Variants in SLC48A1 observed in about 807,000 individuals in gnomAD.
The protein encoded by SLC48A1 is solute carrier family 48 member 1, also known as heme transporter HRG1.
Under a neutral mutation model 14.8 loss-of-function variants are expected in SLC48A1, and 6 were observed. The observed-to-expected ratio is 0.41, with a 90% confidence interval of 0.22 to 0.80. The LOEUF (loss-of-function observed/expected upper bound fraction) is 0.80, where lower values mean the gene tolerates loss of function less well. Ranked by LOEUF, SLC48A1 falls within the 30% of genes least tolerant of loss-of-function variation. The probability of loss-of-function intolerance (pLI) is 0.34; values close to 1 mark genes in which losing one functional copy is unlikely to be tolerated. For synonymous variants in SLC48A1, 89 were observed against 90.0 expected, an observed-to-expected ratio of 0.99 and a Z score of 0.06; for missense variants, 165 against 204.8, an observed-to-expected ratio of 0.81 and a Z score of 1.19.
At chr12:47,762,656 G>A (rs1213662831) in intron 2 of SLC48A1, among the ~76,000 whole-genome samples, 1 of 152,190 alleles carries the variant, frequency 6.6e-6, no homozygotes, top group East Asian at 1.9e-4. Flanking sequence ...CTATTTGCGA[G>A]TGAGGAAACT....
chr12:47,765,729 T>C (rs1942502594), intron 2 of SLC48A1, among the ~76,000 whole-genome samples: 1 of 152,236 alleles, frequency 6.6e-6, no homozygotes. Flanking sequence ...ATCAAAGCAT[T>C]GCATAAGTAT....
At chr12:47,762,878 A>G (rs1209193574) in intron 2 of SLC48A1, among the ~76,000 whole-genome samples, 3 of 152,242 alleles carry the variant, frequency 2.0e-5, no homozygotes, top group Non-Finnish European at 4.4e-5. Context: ...TCATTCAACA[A>G]CATTTACTGT....
upstream of SLC48A1, chr12:47,758,573 G>T: frequency 6.2e-7 from 1 of 1,613,682 alleles, no homozygotes; most frequent in Non-Finnish European, 8.5e-7. Context: ...TTTCAAGCTC[G>T]CACAGCCGTG....
chr12:47,767,935 G>C (rs1942550451), upstream of SLC48A1, among the ~76,000 whole-genome samples: 1 of 152,208 alleles, frequency 6.6e-6, no homozygotes, highest in Admixed American at 6.5e-5. Context: ...AGTGATTGAA[G>C]CAGGGGAGTA....
chr12:47,778,095 C>G (rs990109799), intron 1 of SLC48A1, among the ~76,000 whole-genome samples: 1 of 152,204 alleles, frequency 6.6e-6, no homozygotes, highest in Admixed American at 6.5e-5. Flanking sequence ...CCGCCCTGCC[C>G]GGACCCTTGC....
At chr12:47,762,486 T>C (rs531262311) in intron 2 of SLC48A1, among the ~76,000 whole-genome samples, 1 of 152,348 alleles carries the variant, frequency 6.6e-6, no homozygotes, top group South Asian at 2.1e-4. Context: ...AGCCACCAAG[T>C]CGGCTTGATT....
chr12:47,779,962 G>A (rs1942831355), intron 2 of SLC48A1, among the ~76,000 whole-genome samples, 183 bp from the exon 3 acceptor site: 2 of 152,198 alleles, frequency 1.3e-5, no homozygotes, highest in African/African-American at 4.8e-5. Context: ...CCAGTCCCTG[G>A]TGCCAAAAAG....
chr12:47,778,186 T>C (rs113491767), intron 1 of SLC48A1, among the ~76,000 whole-genome samples: 2 of 152,342 alleles, frequency 1.3e-5, no homozygotes, highest in South Asian at 4.1e-4. Context: ...TGTATTGTAT[T>C]GGCTGGGTGG....
Position 47,779,091 on chromosome 12 carries a change from G to A in SLC48A1, c.200G>A (p.Trp67Ter), listed in dbSNP as rs1942809209. 1 of 1,551,762 alleles carries A rather than the reference G, an allele frequency of 6.4e-7. No individual in the cohort carries two copies. Among genetic ancestry groups the A allele is most frequent in the African/African-American group, 1.4e-5 (1 of 73,038 alleles). ...TACATGCAAGATTATTGGAGGACCT[G>A]GCTCAAGGGGCTGCGCGGCTTCTTC... is the stretch of plus-strand genomic sequence containing the variant. ...VMYMQDYWRT[W>*]LKGLRGFFFV... The change falls in exon 2 of 3, where the codon TGG becomes TAG. Residue 67 changes from tryptophan (W) to a stop codon, truncating the protein, a stop_gained. Transcript: ENST00000442218. LOFTEE classifies it high-confidence loss of function.
intron 1 of SLC48A1, chr12:47,758,706 C>T: frequency 1.4e-6 from 2 of 1,412,276 alleles, no homozygotes; most frequent in Non-Finnish European, 1.9e-6. Flanking sequence ...GCTGGACTGG[C>T]TGCCAGGGCA....
At chr12:47,767,323 G>C (rs186786210), upstream of SLC48A1, among the ~76,000 whole-genome samples, 2 of 152,278 alleles carry the variant, frequency 1.3e-5, no homozygotes, top group African/African-American at 4.8e-5. Context: ...GTTGGGGAAG[G>C]CTGCCCCCTA....
intron 2 of SLC48A1, among the ~76,000 whole-genome samples, chr12:47,761,592 C>T (rs1942382781): frequency 1.3e-5 from 2 of 152,172 alleles, no homozygotes; most frequent in South Asian, 4.1e-4. Flanking sequence ...AATTACTGCT[C>T]AGCAGATATT....
chr12:47,764,904 C>A (rs909950238), intron 2 of SLC48A1, among the ~76,000 whole-genome samples: 2 of 151,772 alleles, frequency 1.3e-5, no homozygotes, highest in Non-Finnish European at 2.9e-5. Context: ...TGGTGAAACC[C>A]CATCTCTACT....
chr12:47,773,128 C>A, upstream of SLC48A1: 2 of 913,892 alleles, frequency 2.2e-6, no homozygotes, highest in Non-Finnish European at 2.6e-6. Context: ...CGGTTCCGGG[C>A]GCGGGCGGCC....
chr12:47,769,182 A>G (rs543228515), upstream of SLC48A1: 2 of 152,376 alleles, frequency 1.3e-5, no homozygotes, highest in South Asian at 4.1e-4. Context: ...GTTTGACTGC[A>G]AGGAAGCTGG....
intron 1 of SLC48A1, among the ~76,000 whole-genome samples, chr12:47,759,561 C>G (rs781014586): frequency 2.8e-5 from 4 of 144,910 alleles, no homozygotes; most frequent in Non-Finnish European, 1.5e-5. Flanking sequence ...TACCACGCCC[C>G]CTACCGCGCG....
intron 1 of SLC48A1, among the ~76,000 whole-genome samples, chr12:47,775,186 C>T (rs1208895970): frequency 6.6e-6 from 1 of 152,148 alleles, no homozygotes; most frequent in Non-Finnish European, 1.5e-5. Context: ...GCAGTGCTGC[C>T]CACTCCCTGA....
At chr12:47,778,879 C>T (rs1565782033) in intron 1 of SLC48A1, 149 bp from the exon 2 acceptor site, 2 of 911,252 alleles carry the variant, frequency 2.2e-6, no homozygotes, top group East Asian at 2.8e-5. Context: ...CTTCTGATAT[C>T]ACAGCCTCCG....
intron 1 of SLC48A1, among the ~76,000 whole-genome samples, chr12:47,775,840 C>T (rs1000912191): frequency 3.3e-5 from 5 of 152,108 alleles, no homozygotes; most frequent in East Asian, 1.9e-4. Flanking sequence ...TGGGTACCTT[C>T]GAAGAAGTGG....
Sources: allele counts gnomAD v4.1 joint callset (sites outside exome capture counted in the v4.1 genomes callset), GRCh38; gene constraint gnomAD v4.1.1; transcripts MANE v1.5; gene names NCBI Gene and HGNC (gene_info 2026-07-23, HGNC 2026-07-21).